Variants in SV2B observed in about 807,000 individuals in gnomAD.
The protein encoded by SV2B is synaptic vesicle glycoprotein 2B, also known as solute carrier family 22 member B2.
Under a neutral mutation model 73.9 loss-of-function variants are expected in SV2B, and 41 were observed. The ratio of observed to expected loss-of-function variants is 0.56; its 90% confidence interval spans 0.43 to 0.72. The LOEUF (loss-of-function observed/expected upper bound fraction) is 0.72, where lower values mean the gene tolerates loss of function less well. Ranked by LOEUF, SV2B falls within the 30% of genes least tolerant of loss-of-function variation. The pLI is 0.00. For missense variants in SV2B, 764 were observed against 857.8 expected (o/e 0.89, Z 1.37); for synonymous variants, 314 against 314.2 (o/e 1.00, Z 0.01).
intron 1 of SV2B, among the ~76,000 whole-genome samples, chr15:91,208,624 A>G (rs146021928): frequency 8.5e-4 from 129 of 152,328 alleles, no homozygotes; most frequent in African/African-American, 2.9e-3. Flanking sequence ...TGAGTCTAGT[A>G]GCTATTGAAG....
Position 91,231,362 on chromosome 15 carries a change from C to T in SV2B, c.451+4648C>T, listed in dbSNP as rs2046567642. Among the ~76,000 whole-genome samples the T allele has an allele frequency of 6.6e-6, 1 of 152,082 alleles. No homozygotes were observed. The highest frequency in any genetic ancestry group is 6.6e-5 in the Admixed American group (1 of 15,262). ...TCACTCTGCCCCAGTGATTTTGGTA[C>T]TGAGAGTGCTTCTAGAGGAGCAGAA... is the stretch of plus-strand genomic sequence containing the variant. On this transcript the variant is annotated intron_variant, in intron 2 of 12. Coordinates refer to ENST00000394232, the MANE Select transcript of SV2B (RefSeq NM_001323032.3). The surrounding 1 kb of genome is among the most constrained non-coding windows in gnomAD (Gnocchi z 4.5).
At chr15:91,160,555 C>T (rs1266146343) in intron 1 of SV2B, among the ~76,000 whole-genome samples, 1 of 152,172 alleles carries the variant, frequency 6.6e-6, no homozygotes. Flanking sequence ...TTACAGTGAG[C>T]TGAGATCATG....
rs1430762682 is a variant in SV2B at position 91,295,478 on chromosome 15, AT to A, written c.*2928del. On this transcript the variant is annotated 3_prime_UTR_variant, in exon 13 of 13. Coordinates refer to ENST00000394232, the MANE Select transcript of SV2B (RefSeq NM_001323032.3). ...AGGTCTCTTCTGTATTCCAAAATTG[AT>A]TGAATCAGCTGGGAGAAACATTGAG... The A allele has an allele frequency of 6.6e-6, 1 of 152,228 alleles. No homozygotes were observed. The highest frequency in any genetic ancestry group is 1.5e-5 in the Non-Finnish European group (1 of 68,044). 9.4% of individuals were successfully genotyped at this position (152,228 alleles called of 1,614,324 possible). A position where few individuals can be genotyped will look rare whatever the true frequency, so the allele number is the denominator to read the frequency against.
Position 91,242,149 on chromosome 15 carries a change from A to G in SV2B, c.452-9670A>G, listed in dbSNP as rs552156980. ...CCTTGATGCGCTTTCTTTATTGGACATCTAAGCTACCTCTGTCTCCTCGTT... is the reference window on the plus strand; with the variant it reads ...CCTTGATGCGCTTTCTTTATTGGACGTCTAAGCTACCTCTGTCTCCTCGTT... On this transcript the variant is annotated intron_variant, in intron 2 of 12. Coordinates refer to ENST00000394232, the MANE Select transcript of SV2B (RefSeq NM_001323032.3). This position sits in a 1 kb window ranked among gnomAD's most constrained non-coding sequence, Gnocchi z 4.9. Among the ~76,000 whole-genome samples, 10 of 152,144 alleles carry G rather than the reference A, an allele frequency of 6.6e-5. No homozygotes were observed. Among genetic ancestry groups the G allele is most frequent in the Non-Finnish European group, 1.3e-4 (9 of 68,020 alleles).
rs374668665 is a variant in SV2B, at chr15:91,119,656, C to A, written c.-392+19293C>A. Among the ~76,000 whole-genome samples, 18 of 152,348 alleles carry A rather than the reference C, an allele frequency of 1.2e-4. No homozygotes were observed. In the East Asian group the frequency reaches 3.1e-3, roughly 26 times the overall value. The stretch of plus-strand genomic sequence containing the variant: ...AAAACTTATAAATGATAAAGCTCTT[C>A]ATTCATGCTGCCAAGTTGCATTGTA... On this transcript the variant is annotated intron_variant, in intron 1 of 12. Coordinates refer to ENST00000394232, the MANE Select transcript of SV2B (RefSeq NM_001323032.3).
At chr15:91,218,400 T>G (rs1372766675) in intron 1 of SV2B, among the ~76,000 whole-genome samples, 5 of 152,144 alleles carry the variant, frequency 3.3e-5, no homozygotes, top group African/African-American at 1.2e-4. Context: ...TACAATCTGC[T>G]TCAGGGGAGA....
chr15:91,207,500 G>A (rs1035209908), intron 1 of SV2B, among the ~76,000 whole-genome samples: 1 of 152,082 alleles, frequency 6.6e-6, no homozygotes, highest in African/African-American at 2.4e-5. Context: ...GAAACAATTT[G>A]TTCGCCGGCA....
chr15:91,197,516 G>A lies in SV2B; in HGVS notation c.-391-28357G>A, dbSNP rs1023539947. 1.3e-5 allele frequency among the ~76,000 whole-genome samples: 2 copies of A among 150,284 alleles called. No homozygotes were observed. The highest frequency in any genetic ancestry group is 2.1e-4 in the South Asian group (1 of 4,662). ...TGGGATTACAGGCGTGAGCCACCGC[G>A]CCCAGCCATCATTGTTTTTAATAGA... On this transcript the variant is annotated intron_variant, in intron 1 of 12. Transcript: ENST00000394232. This position sits in a 1 kb window ranked among gnomAD's most constrained non-coding sequence, Gnocchi z 4.9.
Position 91,132,777 on chromosome 15 carries a change from C to T in SV2B, c.-392+32414C>T, listed in dbSNP as rs1437068318. ...ATCCGTTGAGCCCAGGAGTTTGAGGCTGCAGTGAGCTATAGTCGCACCACT... is the reference window on the plus strand; with the variant it reads ...ATCCGTTGAGCCCAGGAGTTTGAGGTTGCAGTGAGCTATAGTCGCACCACT... On this transcript the variant is annotated intron_variant, in intron 1 of 12. Transcript: ENST00000394232. This position sits in a 1 kb window ranked among gnomAD's most constrained non-coding sequence, Gnocchi z 4.6. Among the ~76,000 whole-genome samples, 1 of 152,024 alleles carries T rather than the reference C, an allele frequency of 6.6e-6. No individual in the cohort carries two copies. The highest frequency in any genetic ancestry group is 2.4e-5 in the African/African-American group (1 of 41,380).
chr15:91,146,203 C>G (rs756041531), intron 1 of SV2B, among the ~76,000 whole-genome samples: 1 of 152,164 alleles, frequency 6.6e-6, no homozygotes, highest in Non-Finnish European at 1.5e-5. Flanking sequence ...CTGCATATGG[C>G]TAGCCAGTTA....
intron 1 of SV2B, among the ~76,000 whole-genome samples, chr15:91,103,288 G>C (rs2041788141): frequency 6.6e-6 from 1 of 152,190 alleles, no homozygotes; most frequent in African/African-American, 2.4e-5. Flanking sequence ...CTCCCATCCG[G>C]ATGGAGGACT....
chr15:91,134,995 C>CTTTTTTTTTTTTTTTTTTT (rs3082093), intron 1 of SV2B, among the ~76,000 whole-genome samples: 2 of 137,392 alleles, frequency 1.5e-5, no homozygotes, highest in Non-Finnish European at 3.1e-5. Flanking sequence ...ATTTCTCAAC[C>CTTTTTTTTTTTTTTTTTTT]TTTTTTTTTT....
chr15:91,145,662 A>T (rs1567289111), intron 1 of SV2B, among the ~76,000 whole-genome samples: 1 of 151,818 alleles, frequency 6.6e-6, no homozygotes, highest in Non-Finnish European at 1.5e-5. Flanking sequence ...TTATTTTTTG[A>T]CTTTTTAGTA....
intron 1 of SV2B, among the ~76,000 whole-genome samples, chr15:91,151,731 C>T (rs1462097272): frequency 6.6e-6 from 1 of 152,176 alleles, no homozygotes; most frequent in Non-Finnish European, 1.5e-5. Flanking sequence ...GTGTTTTCGT[C>T]AGAAACCCCT....
intron 1 of SV2B, among the ~76,000 whole-genome samples, chr15:91,204,835 T>C (rs2045579712): frequency 6.6e-6 from 1 of 152,126 alleles, no homozygotes; most frequent in Non-Finnish European, 1.5e-5. Flanking sequence ...GGATTACAGG[T>C]GTGAGCCAAT....
rs2151727620 is a variant in SV2B, at chr15:91,110,879, T to TAAGGA, written c.-392+10525_-392+10529dup. 6.6e-6 allele frequency among the ~76,000 whole-genome samples: 1 copy of TAAGGA among 152,260 alleles called. No individual in the cohort carries two copies. Among genetic ancestry groups the TAAGGA allele is most frequent in the African/African-American group, 2.4e-5 (1 of 41,550 alleles). ...AAAGCAAAGCATAAACATGAAGCTT[T>TAAGGA]AAGGAAAGGAAAGCTATAGGGTAGC... On this transcript the variant is annotated intron_variant, in intron 1 of 12. Coordinates refer to ENST00000394232, the MANE Select transcript of SV2B (RefSeq NM_001323032.3). The surrounding 1 kb of genome is among the most constrained non-coding windows in gnomAD (Gnocchi z 5.4).
At chr15:91,273,542 G>A (rs8032397) in intron 9 of SV2B, among the ~76,000 whole-genome samples, 78,423 of 151,940 alleles carry the variant, frequency 0.52, 23,062 homozygotes, top group African/African-American at 0.8. Context: ...TAAGACCCCT[G>A]TTGAGTTTTG....
chr15:91,120,697 A>G (rs1044882622), intron 1 of SV2B, among the ~76,000 whole-genome samples: 1 of 151,516 alleles, frequency 6.6e-6, no homozygotes, highest in Non-Finnish European at 1.5e-5. Flanking sequence ...GCCTGTAGTC[A>G]TAGCTACTTG....
In SV2B at chr15:91,296,716, A is replaced by G. The variant is rs115718485; in HGVS notation, c.*4164A>G. The G allele has an allele frequency of 0.01, 1,321 of 132,032 alleles. 19 individuals carry two copies. Among genetic ancestry groups the G allele is most frequent in the African/African-American group, 0.033 (1,083 of 33,146 alleles). 8.2% of individuals were successfully genotyped at this position (132,032 alleles called of 1,614,324 possible). A position where few individuals can be genotyped will look rare whatever the true frequency, so the allele number is the denominator to read the frequency against. ...ACACTCCTTCTGCCTGATCATGGGC[A>G]CACGCTCCTTCTGCCCGATCATGGG... On this transcript the variant is annotated 3_prime_UTR_variant, in exon 13 of 13. Coordinates refer to ENST00000394232, the MANE Select transcript of SV2B (RefSeq NM_001323032.3).
Sources: allele counts gnomAD v4.1 joint callset (sites outside exome capture counted in the v4.1 genomes callset), GRCh38; gene constraint gnomAD v4.1.1; non-coding constraint Gnocchi (gnomAD v3.1); transcripts MANE v1.5; gene names NCBI Gene and HGNC (gene_info 2026-07-23, HGNC 2026-07-21).